The following SLC7A14 variants were observed in gnomAD, a reference collection of about 807,000 sequenced individuals.
The protein encoded by SLC7A14 is gamma-aminobutyric acid transporter SLC7A14.
In SLC7A14, 37 loss-of-function variants were observed where a neutral mutation model predicts 60.2. The ratio of observed to expected loss-of-function variants is 0.61; its 90% CI spans 0.47 to 0.81. The LOEUF (loss-of-function observed/expected upper bound fraction) is 0.81. Among genes scored for constraint, SLC7A14 ranks in the 30% least tolerant of loss-of-function variants. The pLI is 0.00. For missense variants in SLC7A14, 886 were observed against 982.7 expected (o/e 0.90, Z 1.32); for synonymous variants, 399 against 395.8 (o/e 1.01, Z -0.10).
At chr3:170,547,645 G>A (rs1024020466) in intron 1 of SLC7A14, among the ~76,000 whole-genome samples, 3 of 152,142 alleles carry the variant, frequency 2.0e-5, no homozygotes, top group East Asian at 1.9e-4. Flanking sequence ...AGGAAGAGGA[G>A]GGGTTGGTCT....
chr3:170,510,400 A>T (rs570699397), intron 2 of SLC7A14, among the ~76,000 whole-genome samples: 67 of 127,468 alleles, frequency 5.3e-4, no homozygotes, highest in African/African-American at 1.1e-3. Context: ...AAAAAAAAAA[A>T]TAAATAAATA....
At chr3:170,507,440 C>T (rs1307806111) in intron 2 of SLC7A14, among the ~76,000 whole-genome samples, 2 of 152,150 alleles carry the variant, frequency 1.3e-5, no homozygotes, top group African/African-American at 4.8e-5. Flanking sequence ...TTCTTAGGAG[C>T]ACGGTTCTTT....
chr3:170,471,114 T>TGTGTGTGTGTGAGA lies in SLC7A14; in HGVS notation c.1994-3738_1994-3737insTCTCACACACACAC, dbSNP rs1477502291. Among the ~76,000 whole-genome samples, 141 of 152,070 alleles carry TGTGTGTGTGTGAGA rather than the reference T, an allele frequency of 9.3e-4. 2 individuals are homozygous for TGTGTGTGTGTGAGA. In the South Asian group the frequency reaches 0.029, roughly 31 times the overall value. On this transcript the variant is annotated intron_variant, in intron 7 of 7. Coordinates refer to ENST00000231706, the MANE Select transcript of SLC7A14 (RefSeq NM_020949.3). The stretch of plus-strand genomic sequence containing the variant: ...GGGTGTGTGTGTGTGTGTGTGTGTG[T>TGTGTGTGTGTGAGA]GTGTGTGAGTGATTATGTGCATTGC...
chr3:170,580,368 G>A (rs1015881931), intron 1 of SLC7A14, among the ~76,000 whole-genome samples: 1 of 152,180 alleles, frequency 6.6e-6, no homozygotes, highest in Non-Finnish European at 1.5e-5. Context: ...CAGCTCCAAG[G>A]TAATGGCATT....
intron 2 of SLC7A14, among the ~76,000 whole-genome samples, chr3:170,520,335 G>A (rs2108290644): frequency 6.6e-6 from 1 of 152,308 alleles, no homozygotes; most frequent in South Asian, 2.1e-4. Context: ...GTACAAAGTA[G>A]GTACTCAATA....
Position 170,465,826 on chromosome 3 carries a change from C to T in SLC7A14, c.*1229G>A, listed in dbSNP as rs1291832062. On this transcript the variant is annotated 3_prime_UTR_variant, in exon 8 of 8. Transcript: ENST00000231706. ...TTTTTTCCTTTGCAAATTCTCTCATCTATTCTATTTCTGAGAAAATTCTTT... is the reference window on the plus strand; with the variant it reads ...TTTTTTCCTTTGCAAATTCTCTCATTTATTCTATTTCTGAGAAAATTCTTT... 1.3e-5 allele frequency: 2 copies of T among 152,124 alleles called. No homozygotes were observed. Among genetic ancestry groups the T allele is most frequent in the Non-Finnish European group, 2.9e-5 (2 of 68,024 alleles). 9.4% of individuals were successfully genotyped at this position (152,124 alleles called of 1,614,324 possible). A position where few individuals can be genotyped will look rare whatever the true frequency, so the allele number is the denominator to read the frequency against.
chr3:170,493,487 C>T (rs1240374047), intron 4 of SLC7A14, among the ~76,000 whole-genome samples: 1 of 152,138 alleles, frequency 6.6e-6, no homozygotes, highest in Non-Finnish European at 1.5e-5. Context: ...TTCCATCCTA[C>T]CTAAAGCAAT....
Position 170,535,883 on chromosome 3 carries a change from T to C in SLC7A14, c.-152-8795A>G, listed in dbSNP as rs899999655. Among the ~76,000 whole-genome samples the C allele has an allele frequency of 6.6e-6, 1 of 152,200 alleles. No homozygotes were observed. The highest frequency in any genetic ancestry group is 6.5e-5 in the Admixed American group (1 of 15,282). ...TGCCCACTGCCCTCATCTTTATATATATTAACAGTTCTTTTCACTAACTTT... is the reference window on the plus strand; with the variant it reads ...TGCCCACTGCCCTCATCTTTATATACATTAACAGTTCTTTTCACTAACTTT... On this transcript the variant is annotated intron_variant, in intron 1 of 7. Transcript: ENST00000231706. This position sits in a 1 kb window ranked among gnomAD's most constrained non-coding sequence, Gnocchi z 4.3.
intron 1 of SLC7A14, among the ~76,000 whole-genome samples, chr3:170,564,775 G>A (rs532863415): frequency 2.0e-5 from 3 of 152,274 alleles, no homozygotes; most frequent in South Asian, 2.1e-4. Context: ...ATATTAAAAC[G>A]CAGTGTTGTC....
At chr3:170,491,553 G>C (rs1162851231) in intron 4 of SLC7A14, among the ~76,000 whole-genome samples, 1 of 151,992 alleles carries the variant, frequency 6.6e-6, no homozygotes, top group Non-Finnish European at 1.5e-5. Flanking sequence ...AGGTGTCTAG[G>C]GATGCTGAGG....
rs1207946661 is a variant in SLC7A14 at position 170,461,541 on chromosome 3, T to C, written c.*5514A>G. On this transcript the variant is annotated 3_prime_UTR_variant, in exon 8 of 8. Transcript: ENST00000231706. The stretch of plus-strand genomic sequence containing the variant: ...AAGTAGGACATAGGACCAACCATTA[T>C]GTACATGAAAGGGGCTTTTTGCTAC... The C allele has an allele frequency of 6.6e-6, 1 of 152,248 alleles. No individual in the cohort carries two copies. Among genetic ancestry groups the C allele is most frequent in the East Asian group, 1.9e-4 (1 of 5,202 alleles). 9.4% of individuals were successfully genotyped at this position (152,248 alleles called of 1,614,324 possible).
At chr3:170,517,036 G>A (rs889342245) in intron 2 of SLC7A14, among the ~76,000 whole-genome samples, 13 of 152,158 alleles carry the variant, frequency 8.5e-5, no homozygotes, top group Admixed American at 5.9e-4. Flanking sequence ...TGCTTGTTTA[G>A]TTTTATGATG....
chr3:170,538,428 G>GAT (rs751685793), intron 1 of SLC7A14, among the ~76,000 whole-genome samples: 17 of 152,152 alleles, frequency 1.1e-4, no homozygotes, highest in Non-Finnish European at 1.3e-4. Context: ...AAAAGAGTCT[G>GAT]CATTTTAAGT....
In SLC7A14 at chr3:170,498,798, A is replaced by G; in HGVS notation, c.628T>C (p.Ser210Pro). The G allele has an allele frequency of 6.2e-7, 1 of 1,614,186 alleles. No homozygotes were observed. The highest frequency in any genetic ancestry group is 8.5e-7 in the Non-Finnish European group (1 of 1,180,036). The change falls in exon 4 of 8, where the codon TCC (serine) becomes CCC (proline). Residue 210 changes from serine (S) to proline (P), a missense_variant. Ser to Pro is a moderately conservative substitution (Grantham distance 74). Coordinates refer to ENST00000231706, the MANE Select transcript of SLC7A14 (RefSeq NM_020949.3). ...TTGAGAACATTGTTGAAGCCTATGG[A>G]ATTCTTCACCCCCAGAGCAACAATG... ...TIIVALGVKNSIGFNNVLNVL... is the reference protein window; with the variant it reads ...TIIVALGVKNPIGFNNVLNVL...
intron 1 of SLC7A14, among the ~76,000 whole-genome samples, chr3:170,541,094 A>G (rs1714004313): frequency 6.6e-6 from 1 of 151,416 alleles, no homozygotes; most frequent in African/African-American, 2.5e-5. Context: ...GGGAATATAA[A>G]CTGATATAAA....
chr3:170,498,775 G>C lies in SLC7A14; in HGVS notation c.651C>G (p.Leu217=). 6.2e-7 allele frequency: 1 copy of C among 1,614,186 alleles called. No individual in the cohort carries two copies. Among genetic ancestry groups the C allele is most frequent in the African/African-American group, 1.3e-5 (1 of 75,034 alleles). ...VKNSIGFNNV[L]NVLNLAVWVF... ...CCCATACTGCCAGGTTCAGCACATT[G>C]AGAACATTGTTGAAGCCTATGGAAT... The change falls in exon 4 of 8, where the codon CTC becomes CTG. Residue 217 remains leucine, a synonymous_variant. Coordinates refer to ENST00000231706, the MANE Select transcript of SLC7A14 (RefSeq NM_020949.3).
At chr3:170,474,436 C>T (rs982650995) in intron 7 of SLC7A14, among the ~76,000 whole-genome samples, 1 of 152,200 alleles carries the variant, frequency 6.6e-6, no homozygotes, top group Non-Finnish European at 1.5e-5. Flanking sequence ...GATCCACCTT[C>T]ACACTCTACC....
chr3:170,538,530 G>A (rs757570266), intron 1 of SLC7A14, among the ~76,000 whole-genome samples: 1 of 152,044 alleles, frequency 6.6e-6, no homozygotes, highest in Non-Finnish European at 1.5e-5. Context: ...TAATTTTGTC[G>A]ATATACGTTA....
intron 4 of SLC7A14, among the ~76,000 whole-genome samples, chr3:170,491,487 A>G (rs897028152): frequency 1.1e-4 from 16 of 152,208 alleles, no homozygotes; most frequent in Admixed American, 7.2e-4. Flanking sequence ...GATTCAAACA[A>G]AATTTCAATG....
Sources: gnomAD v4.1 joint callset for allele counts (sites outside exome capture counted in the v4.1 genomes callset) on GRCh38, gnomAD v4.1.1 for gene constraint, Gnocchi (gnomAD v3.1) non-coding constraint, MANE v1.5 for transcripts, NCBI Gene and HGNC (gene_info 2026-07-23, HGNC 2026-07-21) for gene names.